Variants in MYCBP2 observed in about 807,000 individuals in gnomAD.
MYCBP2 encodes the protein MYC binding protein 2.
In MYCBP2, 120 loss-of-function variants were observed where a neutral mutation model predicts 525.3. That is an observed-to-expected ratio of 0.23 (90% CI 0.20 to 0.27). The LOEUF is 0.27. Ranked by LOEUF, MYCBP2 falls within the 10% of genes least tolerant of loss-of-function variation. The pLI, the probability that MYCBP2 is intolerant of heterozygous loss-of-function variation, is 1.00. For synonymous variants in MYCBP2, 1,894 were observed against 1,955.8 expected (o/e 0.97, Z 0.83); for missense variants, 4,149 against 5,657.1 (o/e 0.73, Z 8.55).
chr13:77,159,795 C>T (rs778128207), intron 44 of MYCBP2, among the ~76,000 whole-genome samples: 4 of 152,148 alleles, frequency 2.6e-5, no homozygotes, highest in Non-Finnish European at 4.4e-5. Context: ...ATAAATTACC[C>T]AGCCTCAGGT....
intron 80 of MYCBP2, 105 bp from the exon 81 acceptor site, chr13:77,052,023 A>T: frequency 4.9e-6 from 4 of 812,030 alleles, no homozygotes; most frequent in Non-Finnish European, 8.2e-6. Flanking sequence ...TTTAGAAAAT[A>T]CCATTATCTA....
chr13:77,258,467 GATT>G lies in MYCBP2; in HGVS notation c.2018-641_2018-639del, dbSNP rs763888536. Among the ~76,000 whole-genome samples, 231 of 151,956 alleles carry G rather than the reference GATT, an allele frequency of 1.5e-3. 1 individual carries two copies. Among genetic ancestry groups the G allele is most frequent in the East Asian group, 2.3e-3 (12 of 5,180 alleles). On this transcript the variant is annotated intron_variant, in intron 13 of 82. Coordinates refer to ENST00000544440, the MANE Select transcript of MYCBP2 (RefSeq NM_015057.5). ...AGCATCTTTAACATTAACAATCAAA[GATT>G]ATTATTTTTCCAATATACATTAAAA...
At chr13:77,318,274 T>C (rs754126625) in intron 1 of MYCBP2, among the ~76,000 whole-genome samples, 10 of 152,206 alleles carry the variant, frequency 6.6e-5, no homozygotes, top group Non-Finnish European at 1.5e-4. Flanking sequence ...AACCCTTTTA[T>C]TGGGCCCATG....
At chr13:77,276,179 A>G (rs940174420) in intron 4 of MYCBP2, among the ~76,000 whole-genome samples, 5 of 152,264 alleles carry the variant, frequency 3.3e-5, no homozygotes, top group Non-Finnish European at 7.3e-5. Flanking sequence ...CTAATTGAAC[A>G]GAATATATGG....
chr13:77,143,659 G>A (rs1333397053), intron 49 of MYCBP2, among the ~76,000 whole-genome samples: 1 of 152,130 alleles, frequency 6.6e-6, no homozygotes, highest in African/African-American at 2.4e-5. Flanking sequence ...ATATAGACAT[G>A]CATTGCTTAA....
chr13:77,125,266 A>G, intron 54 of MYCBP2, 70 bp downstream of exon 54: 2 of 1,562,430 alleles, frequency 1.3e-6, no homozygotes, highest in South Asian at 1.2e-5. Flanking sequence ...AACAAAAGCA[A>G]TACAATAGGC....
intron 13 of MYCBP2, among the ~76,000 whole-genome samples, chr13:77,258,997 G>A (rs570871883): frequency 4.6e-5 from 7 of 152,328 alleles, no homozygotes; most frequent in East Asian, 1.9e-4. Context: ...GCTCACGCCT[G>A]TATTCCCAGC....
chr13:77,099,326 T>A, intron 55 of MYCBP2: 1 of 288,070 alleles, frequency 3.5e-6, no homozygotes, highest in Non-Finnish European at 6.5e-6. Flanking sequence ...TTAAATTCAG[T>A]GAGGGACTAG....
At position 77,206,333 on chromosome 13, in the gene MYCBP2, ATAAAT is replaced by A. The variant is rs202064321; in HGVS notation, c.3589+315_3589+319del. Among the ~76,000 whole-genome samples, 584 of 150,390 alleles carry A rather than the reference ATAAAT, an allele frequency of 3.9e-3. 3 individuals are homozygous for A. The highest frequency in any genetic ancestry group is 0.018 in the Middle Eastern group (5 of 280). ...ATAGAATTTATTTAACATAATATAC[ATAAAT>A]TAAATATTATATACTTGAAAATTTT... On this transcript the variant is annotated intron_variant, in intron 24 of 82. Coordinates refer to ENST00000544440, the MANE Select transcript of MYCBP2 (RefSeq NM_015057.5).
At chr13:77,245,758 C>T (rs2069784757) in intron 15 of MYCBP2, among the ~76,000 whole-genome samples, 3 of 150,130 alleles carry the variant, frequency 2.0e-5, no homozygotes, top group Admixed American at 6.7e-5. Flanking sequence ...CACACACACA[C>T]ACACACACAC....
intron 10 of MYCBP2, among the ~76,000 whole-genome samples, chr13:77,262,565 C>A (rs561046040): frequency 1.6e-4 from 24 of 151,942 alleles, no homozygotes; most frequent in Non-Finnish European, 1.2e-4. Context: ...AGTCCAGACA[C>A]AGAGTCATTC....
chr13:77,249,004 C>T (rs1419747933), intron 15 of MYCBP2, among the ~76,000 whole-genome samples: 2 of 152,100 alleles, frequency 1.3e-5, no homozygotes, highest in African/African-American at 4.8e-5. Context: ...GTGAAATAAG[C>T]CAGTCACAAA....
At chr13:77,294,175 A>C (rs2154364724) in intron 2 of MYCBP2, among the ~76,000 whole-genome samples, 1 of 104,454 alleles carries the variant, frequency 9.6e-6, no homozygotes, top group African/African-American at 2.9e-5. Flanking sequence ...AGTAGATATA[A>C]AGTAGATAAA....
intron 40 of MYCBP2, among the ~76,000 whole-genome samples, chr13:77,167,553 T>C (rs1014934750): frequency 2.0e-5 from 3 of 152,216 alleles, no homozygotes; most frequent in East Asian, 1.9e-4. Context: ...TTAAGAGACA[T>C]ACTAATCACA....
At chr13:77,093,460 C>T (rs2045751987) in intron 58 of MYCBP2, 128 bp from the exon 59 acceptor site, 6 of 746,720 alleles carry the variant, frequency 8.0e-6, no homozygotes, top group Admixed American at 2.8e-5. Flanking sequence ...TTAAAATAAT[C>T]GTAGATGTAG....
chr13:77,203,874 A>T (rs1162869261), intron 26 of MYCBP2, among the ~76,000 whole-genome samples: 13 of 151,988 alleles, frequency 8.6e-5, no homozygotes, highest in African/African-American at 2.9e-4. Flanking sequence ...TCCCTTCCTT[A>T]CACCTTACAC....
chr13:77,181,779 T>C lies in MYCBP2; in HGVS notation c.4863A>G (p.Lys1621=). The change falls in exon 33 of 83, where the codon AAA becomes AAG. Residue 1621 remains lysine (K), a synonymous_variant. Coordinates refer to ENST00000544440, the MANE Select transcript of MYCBP2 (RefSeq NM_015057.5). ...TTGAGTCGTTCTCTGTACTAACTTG[T>C]TTAACAATTGATCGTAGTAATACTT... is the stretch of plus-strand genomic sequence containing the variant. The part of the protein sequence containing the change: ...DGEVLLRSIV[K]QVSTENDSTL... The C allele has an allele frequency of 1.9e-6, 3 of 1,614,128 alleles. No homozygotes were observed. The highest frequency in any genetic ancestry group is 2.5e-6 in the Non-Finnish European group (3 of 1,179,988).
chr13:77,276,547 T>G (rs1221413145), intron 4 of MYCBP2, among the ~76,000 whole-genome samples: 1 of 152,006 alleles, frequency 6.6e-6, no homozygotes, highest in Non-Finnish European at 1.5e-5. Flanking sequence ...CAGTAAACAC[T>G]GAAAGGATGG....
intron 37 of MYCBP2, among the ~76,000 whole-genome samples, 173 bp from the exon 38 acceptor site, chr13:77,171,807 C>A (rs1424302113): frequency 1.3e-5 from 2 of 152,104 alleles, no homozygotes; most frequent in Admixed American, 1.3e-4. Context: ...TGAAGAAAAA[C>A]AAAGCAGCAT....
Sources: gnomAD v4.1 joint callset for allele counts (sites outside exome capture counted in the v4.1 genomes callset) on GRCh38, gnomAD v4.1.1 for gene constraint, MANE v1.5 for transcripts, NCBI Gene and HGNC (gene_info 2026-07-23, HGNC 2026-07-21) for gene names.